Variants in ANTXR2 observed in about 807,000 individuals in gnomAD.
The protein encoded by ANTXR2 is anthrax toxin receptor 2.
A neutral mutation model predicts 73.7 loss-of-function variants in ANTXR2; 44 were observed. The observed-to-expected ratio is 0.60, with a 90% CI of 0.47 to 0.77. ANTXR2 has a LOEUF of 0.77. ANTXR2 is among the 30% of genes least tolerant of loss of function. ANTXR2 has a pLI of 0.00. For synonymous variants in ANTXR2, 217 were observed against 205.9 expected (o/e 1.05, Z -0.46); for missense variants, 604 against 592.5 (o/e 1.02, Z -0.20).
At chr4:79,945,537 CATAAA>C (rs1228990714) in intron 16 of ANTXR2, among the ~76,000 whole-genome samples, 1 of 152,066 alleles carries the variant, frequency 6.6e-6, no homozygotes, top group Non-Finnish European at 1.5e-5. Flanking sequence ...GTTTATATAA[CATAAA>C]ATAAAGCTGA....
At chr4:79,958,233 T>C (rs1728997987) in intron 16 of ANTXR2, among the ~76,000 whole-genome samples, 1 of 152,090 alleles carries the variant, frequency 6.6e-6, no homozygotes, top group Non-Finnish European at 1.5e-5. Flanking sequence ...TTATTTGAAT[T>C]TATTGGTACT....
chr4:79,992,181 T>A (rs1437111002), intron 12 of ANTXR2, among the ~76,000 whole-genome samples: 1 of 151,958 alleles, frequency 6.6e-6, no homozygotes, highest in African/African-American at 2.4e-5. Context: ...CAGTGGGAAG[T>A]TCATTATCTT....
chr4:79,999,499 G>A (rs1327825771), intron 12 of ANTXR2, among the ~76,000 whole-genome samples: 1 of 151,896 alleles, frequency 6.6e-6, no homozygotes, highest in Non-Finnish European at 1.5e-5. Context: ...GTTCTTCATA[G>A]GAGTGTAAAA....
chr4:80,062,513 C>T (rs1734309148), intron 3 of ANTXR2, among the ~76,000 whole-genome samples: 1 of 152,192 alleles, frequency 6.6e-6, no homozygotes, highest in African/African-American at 2.4e-5. Context: ...ACATGTCCAT[C>T]ACTAAAATCT....
chr4:80,050,509 G>T (rs1365780583), intron 7 of ANTXR2, among the ~76,000 whole-genome samples: 4 of 151,480 alleles, frequency 2.6e-5, no homozygotes, highest in Non-Finnish European at 4.4e-5. Flanking sequence ...TCTACCAAAT[G>T]ATTTAAAGCC....
chr4:80,003,543 C>G (rs956772544), intron 12 of ANTXR2, among the ~76,000 whole-genome samples: 2 of 150,974 alleles, frequency 1.3e-5, no homozygotes, highest in Non-Finnish European at 2.9e-5. Flanking sequence ...CACATGTACC[C>G]TAAAACTTAA....
At chr4:79,990,246 C>G (rs1025384737) in intron 12 of ANTXR2, among the ~76,000 whole-genome samples, 1 of 151,718 alleles carries the variant, frequency 6.6e-6, no homozygotes, top group African/African-American at 2.4e-5. Context: ...AATATTCTTT[C>G]AAAAAGTTCC....
In ANTXR2 at chr4:79,901,277, A is replaced by C. The variant is rs1361867902; in HGVS notation, c.*6152T>G. The C allele has an allele frequency of 2.0e-5, 3 of 152,146 alleles. No homozygotes were observed. Among genetic ancestry groups the C allele is most frequent in the Non-Finnish European group, 4.4e-5 (3 of 68,010 alleles). The allele number at this position is 152,146 out of a possible 1,614,324, so 9.4% of individuals were successfully genotyped here. On this transcript the variant is annotated 3_prime_UTR_variant, in exon 17 of 17. Coordinates refer to ENST00000403729, the MANE Select transcript of ANTXR2 (RefSeq NM_058172.6). ...TGCTAGAACTAGTCAATCTTGTTTT[A>C]TATTGTGAGTTTTTCTTTCCCCAAT...
chr4:79,977,401 G>C (rs1729680667), intron 16 of ANTXR2: 1 of 933,094 alleles, frequency 1.1e-6, no homozygotes, highest in Non-Finnish European at 1.5e-6. Context: ...GAATTGTAAA[G>C]AATTTCTTGA....
intron 7 of ANTXR2, among the ~76,000 whole-genome samples, chr4:80,036,318 T>A (rs543310019): frequency 6.6e-6 from 1 of 152,210 alleles, no homozygotes; most frequent in Non-Finnish European, 1.5e-5. Context: ...TAACCTTGGG[T>A]ATGAATAGAT....
intron 14 of ANTXR2, 74 bp downstream of exon 14, chr4:79,983,804 A>G: frequency 9.0e-7 from 1 of 1,113,870 alleles, no homozygotes; most frequent in Non-Finnish European, 1.4e-6. Flanking sequence ...TGTGAAAAGT[A>G]GTTTCTATGG....
chr4:79,928,716 G>C (rs956605485), intron 16 of ANTXR2, among the ~76,000 whole-genome samples: 1 of 151,978 alleles, frequency 6.6e-6, no homozygotes, highest in African/African-American at 2.4e-5. Flanking sequence ...TCTTTTAAAA[G>C]TTATGACAAT....
intron 16 of ANTXR2, among the ~76,000 whole-genome samples, chr4:79,944,623 C>T (rs1728447064): frequency 6.6e-6 from 1 of 152,048 alleles, no homozygotes; most frequent in African/African-American, 2.4e-5. Context: ...ATGCTTGTCA[C>T]AATATAAAAG....
At chr4:80,037,257 C>T (rs1372282951) in intron 7 of ANTXR2, among the ~76,000 whole-genome samples, 1 of 152,126 alleles carries the variant, frequency 6.6e-6, no homozygotes, top group Non-Finnish European at 1.5e-5. Context: ...CTTTTCATAA[C>T]TAGAATAGGA....
At chr4:79,954,305 CA>C (rs1358098166) in intron 16 of ANTXR2, among the ~76,000 whole-genome samples, 13 of 152,144 alleles carry the variant, frequency 8.5e-5, no homozygotes, top group Admixed American at 8.5e-4. Context: ...AGGTATGAGC[CA>C]CCATGTCCAG....
chr4:79,957,336 T>C (rs1409856870), intron 16 of ANTXR2, among the ~76,000 whole-genome samples: 3 of 152,052 alleles, frequency 2.0e-5, no homozygotes, highest in African/African-American at 7.2e-5. Flanking sequence ...CAAAAATAAA[T>C]GGGTTGATAA....
At chr4:80,004,341 A>G (rs532245883) in intron 12 of ANTXR2, among the ~76,000 whole-genome samples, 3 of 152,118 alleles carry the variant, frequency 2.0e-5, no homozygotes, top group Non-Finnish European at 4.4e-5. Flanking sequence ...TCAGGAGATA[A>G]TATAGGTTTC....
intron 14 of ANTXR2, among the ~76,000 whole-genome samples, chr4:79,982,311 A>C (rs1197710589): frequency 6.6e-6 from 1 of 152,152 alleles, no homozygotes; most frequent in Non-Finnish European, 1.5e-5. Flanking sequence ...GCATAGATTG[A>C]AAATTGTCCA....
At chr4:80,035,882 T>G in intron 8 of ANTXR2, 90 bp downstream of exon 8, 1 of 1,124,562 alleles carries the variant, frequency 8.9e-7, no homozygotes, top group African/African-American at 1.6e-5. Context: ...ATTTTGCTAT[T>G]CTTTTTCCAA....
Sources: allele counts gnomAD v4.1 joint callset (sites outside exome capture counted in the v4.1 genomes callset), GRCh38; gene constraint gnomAD v4.1.1; transcripts MANE v1.5; gene names NCBI Gene and HGNC (gene_info 2026-07-23, HGNC 2026-07-21).